The following LRRC37A2 variants were observed in gnomAD, a reference collection of about 807,000 sequenced individuals.
The protein encoded by LRRC37A2 is leucine-rich repeat-containing protein 37A2.
A neutral mutation model predicts 68.8 loss-of-function variants in LRRC37A2; 9 were observed. The ratio of observed to expected loss-of-function variants is 0.13; its 90% CI spans 0.08 to 0.23. LRRC37A2 has a LOEUF of 0.23. Ranked by LOEUF, LRRC37A2 falls within the 10% of genes least tolerant of loss-of-function variation. The pLI is 1.00. For missense variants in LRRC37A2, 168 were observed against 950.4 expected (o/e 0.18, Z 10.82); for synonymous variants, 63 against 367.6 (o/e 0.17, Z 9.48).
At chr17:46,804,481 G>A in the LRRC37A2 span, among the ~76,000 whole-genome samples, 1 of 152,074 alleles carries the variant, frequency 6.6e-6, no homozygotes, top group Admixed American at 6.5e-5. Flanking sequence ...CTATGGGGAA[G>A]GGAAGTGCTG....
At chr17:47,018,394 A>G in the LRRC37A2 span, 1 of 1,604,870 alleles carries the variant, frequency 6.2e-7, no homozygotes, top group Non-Finnish European at 8.5e-7. Flanking sequence ...GGTCACCATC[A>G]AACTCATCAT....
chr17:46,970,415 C>T, the LRRC37A2 span, among the ~76,000 whole-genome samples: 3 of 151,854 alleles, frequency 2.0e-5, no homozygotes, highest in East Asian at 3.9e-4. Flanking sequence ...GTGGTGGACA[C>T]CTGTTATCCC....
chr17:46,784,568 C>T, the LRRC37A2 span, among the ~76,000 whole-genome samples: 1 of 152,156 alleles, frequency 6.6e-6, no homozygotes, highest in Non-Finnish European at 1.5e-5. Context: ...AGCCCAGCTT[C>T]AGGGCCTGAA....
chr17:46,719,461 A>G, the LRRC37A2 span, among the ~76,000 whole-genome samples: 8 of 152,194 alleles, frequency 5.3e-5, no homozygotes, highest in Non-Finnish European at 1.0e-4. This position sits in a 1 kb window ranked among gnomAD's most constrained non-coding sequence, Gnocchi z 4.3. Context: ...ATTAATTTAA[A>G]ATTCACCTTG....
At chr17:46,794,021 A>G in the LRRC37A2 span, among the ~76,000 whole-genome samples, 1 of 152,174 alleles carries the variant, frequency 6.6e-6, no homozygotes, top group African/African-American at 2.4e-5. Context: ...ACGGGGACAT[A>G]ACCAAGACAG....
the LRRC37A2 span, among the ~76,000 whole-genome samples, chr17:46,467,415 G>A: frequency 1.2e-5 from 1 of 84,134 alleles, no homozygotes; most frequent in East Asian, 2.6e-4. Flanking sequence ...AACTGAGATT[G>A]GGTCTAACGG....
the LRRC37A2 span, among the ~76,000 whole-genome samples, chr17:46,946,410 G>A: frequency 2.3e-4 from 33 of 145,580 alleles, no homozygotes; most frequent in East Asian, 1.6e-3. Context: ...GCAGTGAGCC[G>A]AGATCACGCC....
the LRRC37A2 span, among the ~76,000 whole-genome samples, chr17:46,456,248 A>G: frequency 4.4e-4 from 37 of 84,552 alleles, no homozygotes; most frequent in Admixed American, 5.0e-4. Context: ...GTGTGTGTGT[A>G]TACACATATA....
chr17:46,704,890 A>G, the LRRC37A2 span: 1 of 1,571,448 alleles, frequency 6.4e-7, no homozygotes, highest in Admixed American at 1.9e-5. Context: ...TAGGCCAAAA[A>G]GTAATGATAA....
the LRRC37A2 span, chr17:46,910,055 C>T: frequency 6.5e-6 from 1 of 154,868 alleles, no homozygotes; most frequent in Non-Finnish European, 1.4e-5. Flanking sequence ...CGAGAGGCAG[C>T]ATAGAGTAGG....
the LRRC37A2 span, among the ~76,000 whole-genome samples, chr17:46,908,619 A>T: frequency 1.0e-3 from 158 of 152,236 alleles, 2 homozygotes; most frequent in African/African-American, 3.2e-3. Context: ...TTCTGCAGAG[A>T]TGTGGCCGCC....
chr17:46,722,277 A>G, the LRRC37A2 span: 2 of 901,894 alleles, frequency 2.2e-6, no homozygotes, highest in East Asian at 5.1e-5. Flanking sequence ...GGAGTCTGTA[A>G]GATACGGTTC....
At chr17:46,791,958 T>G in the LRRC37A2 span, among the ~76,000 whole-genome samples, 1 of 152,170 alleles carries the variant, frequency 6.6e-6, no homozygotes, top group Non-Finnish European at 1.5e-5. Context: ...GAGGATCGCT[T>G]GAGCCCAGGA....
the LRRC37A2 span, among the ~76,000 whole-genome samples, chr17:46,823,132 ATATAT>A: frequency 1.6e-4 from 22 of 134,694 alleles, 3 homozygotes; most frequent in African/African-American, 4.8e-4. Context: ...TATATATTAT[ATATAT>A]TATATTATAT....
the LRRC37A2 span, among the ~76,000 whole-genome samples, chr17:47,020,039 C>T: frequency 6.7e-6 from 1 of 149,680 alleles, no homozygotes; most frequent in Admixed American, 6.6e-5. Flanking sequence ...TTATTTAGCC[C>T]CATCACATCA....
At chr17:46,774,792 G>A in the LRRC37A2 span, among the ~76,000 whole-genome samples, 2 of 152,198 alleles carry the variant, frequency 1.3e-5, no homozygotes, top group Non-Finnish European at 2.9e-5. Flanking sequence ...TAGGAATTAC[G>A]ACTTTTCCGT....
the LRRC37A2 span, among the ~76,000 whole-genome samples, chr17:46,714,471 G>A: frequency 6.6e-6 from 1 of 152,146 alleles, no homozygotes; most frequent in African/African-American, 2.4e-5. Flanking sequence ...ACTTAATGCA[G>A]TTCTCATACA....
chr17:46,724,128 T>C, the LRRC37A2 span, among the ~76,000 whole-genome samples: 921 of 152,306 alleles, frequency 6.0e-3, 1 homozygote, highest in Non-Finnish European at 7.4e-3. Flanking sequence ...TATATTCTGC[T>C]TAGAACACTT....
the LRRC37A2 span, chr17:46,763,796 C>T: frequency 6.7e-6 from 1 of 150,094 alleles, no homozygotes; most frequent in Non-Finnish European, 1.5e-5. Context: ...AAGACTTGCC[C>T]CCTTACATAG....
Sources: gnomAD v4.1 joint callset for allele counts (sites outside exome capture counted in the v4.1 genomes callset) on GRCh38, gnomAD v4.1.1 for gene constraint, Gnocchi (gnomAD v3.1) non-coding constraint, MANE v1.5 for transcripts, NCBI Gene and HGNC (gene_info 2026-07-23, HGNC 2026-07-21) for gene names.